TTC23: variants seen among roughly 807,000 people sequenced by gnomAD.
TTC23 encodes the protein tetratricopeptide repeat protein 23.
Under a neutral mutation model 55.1 loss-of-function variants are expected in TTC23, and 58 were observed. The observed-to-expected ratio is 1.05, with a 90% confidence interval of 0.85 to 1.31. TTC23 has a LOEUF of 1.31. Ranked by LOEUF, TTC23 falls within the 50% of genes most tolerant of loss-of-function variation. The pLI is 0.00. For synonymous variants in TTC23, 203 were observed against 199.9 expected (o/e 1.02, Z -0.13); for missense variants, 516 against 534.4 (o/e 0.97, Z 0.34).
chr15:99,194,621 A>T (rs1230598338), intron 9 of TTC23, among the ~76,000 whole-genome samples: 1 of 152,068 alleles, frequency 6.6e-6, no homozygotes, highest in Admixed American at 6.5e-5. Context: ...TTGACTAAAA[A>T]TGTGTTATAG....
chr15:99,250,137 C>T (rs1325905068), upstream of TTC23, among the ~76,000 whole-genome samples: 1 of 152,006 alleles, frequency 6.6e-6, no homozygotes, highest in Admixed American at 6.6e-5. Context: ...CATTAAACAC[C>T]GTATCTTTGT....
intron 13 of TTC23, among the ~76,000 whole-genome samples, 187 bp from the exon 14 acceptor site, chr15:99,138,314 T>G (rs1435154604): frequency 3.9e-5 from 6 of 152,126 alleles, no homozygotes; most frequent in Non-Finnish European, 8.8e-5. Context: ...TCTTTTATTT[T>G]TTTAATTTTT....
At position 99,228,565 on chromosome 15, in the gene TTC23, CT is replaced by C. The variant is rs752141991; in HGVS notation, c.147del (p.Glu50ArgfsTer23). 1 of 1,613,144 alleles carries C rather than the reference CT, an allele frequency of 6.2e-7. No homozygotes were observed. The highest frequency in any genetic ancestry group is 1.7e-5 in the Admixed American group (1 of 59,776). On this transcript the variant is annotated frameshift_variant, in exon 5 of 14. Coordinates refer to ENST00000394132, the MANE Select transcript of TTC23 (RefSeq NM_001288615.3). LOFTEE classifies it high-confidence loss of function. ...CTGTTGGAATAGGACTTTGCTTTCT[CT>C]TCACAGAGGTGGAGTTTCTCTCGAG... The part of the protein sequence containing the change: ...QPPREKLHLC[E>X]EKAKSYSNSH...
At chr15:99,144,073 C>T (rs1250393618) in intron 12 of TTC23, among the ~76,000 whole-genome samples, 2 of 152,164 alleles carry the variant, frequency 1.3e-5, no homozygotes, top group African/African-American at 2.4e-5. Flanking sequence ...GAAAGACTGC[C>T]GTTCACTATT....
intron 13 of TTC23, chr15:99,139,012 G>T: frequency 2.3e-6 from 1 of 435,518 alleles, no homozygotes; most frequent in African/African-American, 2.0e-5. Flanking sequence ...CAGGGCTGCA[G>T]GAGGCCACAG....
intron 12 of TTC23, among the ~76,000 whole-genome samples, chr15:99,146,370 C>T (rs1342157473): frequency 1.3e-5 from 2 of 152,242 alleles, no homozygotes; most frequent in African/African-American, 2.4e-5. Context: ...TGCAGCTCAG[C>T]GATCTGGTTT....
chr15:99,197,607 A>T (rs958425872), intron 9 of TTC23, among the ~76,000 whole-genome samples: 2 of 152,172 alleles, frequency 1.3e-5, no homozygotes, highest in East Asian at 3.9e-4. Context: ...AGTGAAAGGT[A>T]TCAAAAAAGG....
intron 8 of TTC23, among the ~76,000 whole-genome samples, chr15:99,208,647 C>T (rs902294826): frequency 6.6e-6 from 1 of 152,048 alleles, no homozygotes; most frequent in Admixed American, 6.6e-5. Flanking sequence ...TAATGCAACC[C>T]ACAATGAGCC....
intron 12 of TTC23, among the ~76,000 whole-genome samples, chr15:99,145,579 T>G (rs1295353153): frequency 7.0e-5 from 9 of 129,134 alleles, no homozygotes; most frequent in African/African-American, 1.2e-4. Flanking sequence ...TGGGGGGAGG[T>G]GGTGGTGGTG....
chr15:99,155,625 C>G (rs2070431902), intron 12 of TTC23: 1 of 153,282 alleles, frequency 6.5e-6, no homozygotes, highest in African/African-American at 2.4e-5. Flanking sequence ...GAAGAGAAAT[C>G]TAGAAATAGA....
chr15:99,146,340 T>G (rs986657926), intron 12 of TTC23, among the ~76,000 whole-genome samples: 1 of 152,226 alleles, frequency 6.6e-6, no homozygotes, highest in Non-Finnish European at 1.5e-5. Flanking sequence ...TGCCTTCTCT[T>G]GGCAAATTTC....
intron 4 of TTC23, 65 bp from the exon 5 acceptor site, chr15:99,228,797 C>T (rs2078681835): frequency 2.1e-5 from 26 of 1,256,638 alleles, no homozygotes; most frequent in Non-Finnish European, 2.8e-5. Context: ...TAGAAATATA[C>T]ATTTCAACAC....
intron 9 of TTC23, among the ~76,000 whole-genome samples, chr15:99,176,210 T>C (rs1052745749): frequency 6.6e-6 from 1 of 152,150 alleles, no homozygotes; most frequent in Non-Finnish European, 1.5e-5. Flanking sequence ...GGCTAGAAAG[T>C]GTGTGCAGTA....
intron 8 of TTC23, among the ~76,000 whole-genome samples, chr15:99,218,338 C>T (rs1437912949): frequency 1.3e-5 from 2 of 152,078 alleles, no homozygotes; most frequent in Admixed American, 6.5e-5. Flanking sequence ...GCAGGTAAAA[C>T]GAAAGTCAAG....
At chr15:99,225,864 C>G (rs559342153) in intron 5 of TTC23, among the ~76,000 whole-genome samples, 14 of 152,180 alleles carry the variant, frequency 9.2e-5, no homozygotes, top group Admixed American at 8.5e-4. Context: ...CCAGACAGCA[C>G]CTTAACCAAG....
rs563456538 is a variant in TTC23 at position 99,200,401 on chromosome 15, T to C, written c.582-305A>G. ...ACACTTCATTGGGTTATTAAGAAGATTAAATTAATTGATATTCATAAAACA... is the reference window on the plus strand; with the variant it reads ...ACACTTCATTGGGTTATTAAGAAGACTAAATTAATTGATATTCATAAAACA... On this transcript the variant is annotated intron_variant, in intron 8 of 13. Coordinates refer to ENST00000394132, the MANE Select transcript of TTC23 (RefSeq NM_001288615.3). Among the ~76,000 whole-genome samples the C allele has an allele frequency of 2.6e-5, 4 of 152,334 alleles. No homozygotes were observed. In the South Asian group the frequency reaches 8.3e-4, roughly 32 times the overall value.
chr15:99,203,553 A>C (rs2076363483), intron 8 of TTC23, among the ~76,000 whole-genome samples: 2 of 152,182 alleles, frequency 1.3e-5, no homozygotes, highest in South Asian at 4.1e-4. Flanking sequence ...TGTATTACCA[A>C]ACATTAGGTC....
intron 10 of TTC23, among the ~76,000 whole-genome samples, chr15:99,165,476 T>C (rs1254075892): frequency 6.6e-6 from 1 of 152,246 alleles, no homozygotes; most frequent in African/African-American, 2.4e-5. Context: ...AAACAAGTTA[T>C]GTTCATCTGC....
At chr15:99,168,195 G>C (rs982572263) in intron 10 of TTC23, among the ~76,000 whole-genome samples, 5 of 152,206 alleles carry the variant, frequency 3.3e-5, no homozygotes, top group Non-Finnish European at 4.4e-5. Flanking sequence ...CACTAGCTGT[G>C]TGATACAAGG....
Sources: gnomAD v4.1 joint callset for allele counts (sites outside exome capture counted in the v4.1 genomes callset) on GRCh38, gnomAD v4.1.1 for gene constraint, MANE v1.5 for transcripts, NCBI Gene and HGNC (gene_info 2026-07-23, HGNC 2026-07-21) for gene names.